MEMO1: variants seen among roughly 807,000 people sequenced by gnomAD.
MEMO1 encodes the protein protein MEMO1.
In MEMO1, 6 loss-of-function variants were observed where a neutral mutation model predicts 45.2. The observed-to-expected ratio is 0.13, with a 90% confidence interval of 0.07 to 0.26. The LOEUF is 0.26. MEMO1 is among the 10% of genes least tolerant of loss of function. MEMO1 has a pLI of 1.00. For missense variants in MEMO1, 184 were observed against 370.5 expected, an observed-to-expected ratio of 0.50 and a Z score of 4.13; for synonymous variants, 78 against 124.3, an observed-to-expected ratio of 0.63 and a Z score of 2.48.
In MEMO1 at chr2:31,926,083, G is replaced by T. The variant is rs77978658; in HGVS notation, c.213-5173C>A. 6.5e-3 allele frequency among the ~76,000 whole-genome samples: 995 copies of T among 152,282 alleles called. 3 individuals carry two copies. Among genetic ancestry groups the T allele is most frequent in the Non-Finnish European group, 0.011 (743 of 68,022 alleles). ...GCAGAAGATTTCCCCAAAGTGAATG[G>T]AAGTCAGGCACGGTGGTTCATGCCT... On this transcript the variant is annotated intron_variant, in intron 4 of 9. Coordinates refer to ENST00000404530, the MANE Select transcript of MEMO1 (RefSeq NM_001301833.4).
chr2:31,874,367 T>G (rs1674247616), intron 8 of MEMO1, among the ~76,000 whole-genome samples: 1 of 152,108 alleles, frequency 6.6e-6, no homozygotes, highest in African/African-American at 2.4e-5. Context: ...ATTACAAGAC[T>G]TTCAGAGTTT....
intron 2 of MEMO1, among the ~76,000 whole-genome samples, chr2:32,004,589 G>A (rs1673809858): frequency 6.6e-6 from 1 of 152,154 alleles, no homozygotes; most frequent in East Asian, 1.9e-4. Flanking sequence ...GTGTAAATTT[G>A]TAAAACCAAT....
intron 3 of MEMO1, among the ~76,000 whole-genome samples, chr2:31,942,472 C>T (rs35178826): frequency 0.22 from 34,168 of 152,008 alleles, 4,064 homozygotes; most frequent in Middle Eastern, 0.34. Flanking sequence ...AAATACATTT[C>T]GAAATTACTC....
intron 8 of MEMO1, among the ~76,000 whole-genome samples, chr2:31,875,721 C>G (rs1486485161): frequency 6.6e-6 from 1 of 152,024 alleles, no homozygotes; most frequent in Non-Finnish European, 1.5e-5. Context: ...AGTCTCAGCT[C>G]TGTCCCCAGA....
intron 2 of MEMO1, among the ~76,000 whole-genome samples, chr2:31,971,398 T>C (rs1384636186): frequency 2.6e-5 from 4 of 152,190 alleles, no homozygotes; most frequent in Middle Eastern, 3.4e-3. Context: ...CAGGCTTGCA[T>C]CACCATGCCC....
intron 6 of MEMO1, among the ~76,000 whole-genome samples, chr2:31,905,969 T>C (rs148772617): frequency 5.8e-4 from 89 of 152,256 alleles, no homozygotes; most frequent in African/African-American, 1.9e-3. Context: ...TATTCTTTTT[T>C]TCTTTATTTT....
At chr2:31,886,950 G>T (rs546654513) in intron 7 of MEMO1, among the ~76,000 whole-genome samples, 9 of 152,228 alleles carry the variant, frequency 5.9e-5, no homozygotes, top group African/African-American at 2.2e-4. Context: ...AGTTTCTTCA[G>T]GTGCCTTCCC....
chr2:31,885,868 T>C (rs1220406497), intron 7 of MEMO1, among the ~76,000 whole-genome samples: 1 of 152,226 alleles, frequency 6.6e-6, no homozygotes, highest in African/African-American at 2.4e-5. Context: ...TAATTCCAAG[T>C]AAAGAGTTGC....
At chr2:31,890,518 A>G (rs1017588383) in intron 7 of MEMO1, among the ~76,000 whole-genome samples, 2 of 152,178 alleles carry the variant, frequency 1.3e-5, no homozygotes, top group Non-Finnish European at 2.9e-5. Context: ...TAGTATACTT[A>G]TATCCATAAA....
At chr2:31,923,136 G>A (rs866464710) in intron 4 of MEMO1, among the ~76,000 whole-genome samples, 45 of 151,968 alleles carry the variant, frequency 3.0e-4, no homozygotes, top group African/African-American at 9.9e-4. Flanking sequence ...GCCAGCATCT[G>A]TTAATTTTTG....
At chr2:31,883,005 A>T (rs1456096091) in intron 8 of MEMO1, among the ~76,000 whole-genome samples, 5 of 152,168 alleles carry the variant, frequency 3.3e-5, no homozygotes, top group African/African-American at 9.6e-5. Flanking sequence ...CTCAAAAAAA[A>T]ATATTTCAGG....
chr2:31,921,273 A>G (rs962883200), intron 4 of MEMO1, among the ~76,000 whole-genome samples: 2 of 152,214 alleles, frequency 1.3e-5, no homozygotes. Flanking sequence ...GAAACTTGAT[A>G]TTGAATTTCA....
chr2:31,978,184 C>T (rs1163450288), intron 2 of MEMO1, among the ~76,000 whole-genome samples: 7 of 152,068 alleles, frequency 4.6e-5, no homozygotes, highest in Admixed American at 1.3e-4. Flanking sequence ...GTCAGGAGTT[C>T]GAGATCAGCC....
In MEMO1 at chr2:31,922,765, T is replaced by C. The variant is rs541196216; in HGVS notation, c.213-1855A>G. Among the ~76,000 whole-genome samples, 7 of 152,198 alleles carry C rather than the reference T, an allele frequency of 4.6e-5. No homozygotes were observed. The East Asian group carries it at 9.7e-4, about 21-fold the overall frequency. On this transcript the variant is annotated intron_variant, in intron 4 of 9. Coordinates refer to ENST00000404530, the MANE Select transcript of MEMO1 (RefSeq NM_001301833.4). ...TCCTACGGGAGTTTGCTTAGGATAA[T>C]GGCCTCTAGCTCAATGTTGCTGCAA...
chr2:31,987,001 C>T (rs1230047423), intron 2 of MEMO1, among the ~76,000 whole-genome samples: 1 of 151,886 alleles, frequency 6.6e-6, no homozygotes, highest in East Asian at 1.9e-4. Flanking sequence ...AAACAATGGC[C>T]GAAGTTTTCT....
At chr2:31,933,352 T>TAAAAAAAA (rs1558514359) in intron 3 of MEMO1, among the ~76,000 whole-genome samples, 13 of 12,218 alleles carry the variant, frequency 1.1e-3, no homozygotes, top group Non-Finnish European at 1.6e-3. Flanking sequence ...AAAAAAAATT[T>TAAAAAAAA]ATATATATAT....
intron 2 of MEMO1, among the ~76,000 whole-genome samples, chr2:31,996,535 C>A (rs1047200051): frequency 6.6e-6 from 1 of 151,714 alleles, no homozygotes; most frequent in African/African-American, 2.4e-5. Context: ...CAGAGTGACA[C>A]CCTATCTCAA....
At chr2:31,906,803 CTA>C (rs768683897) in intron 6 of MEMO1, among the ~76,000 whole-genome samples, 10 of 152,160 alleles carry the variant, frequency 6.6e-5, no homozygotes, top group Non-Finnish European at 1.5e-4. Context: ...TACTGTATCT[CTA>C]TAAGTCAGCT....
chr2:31,914,651 A>T (rs902206466), intron 6 of MEMO1, among the ~76,000 whole-genome samples: 8 of 151,886 alleles, frequency 5.3e-5, no homozygotes, highest in South Asian at 2.1e-4. Flanking sequence ...GTTTTCAATT[A>T]AAAAAAATGC....
Sources: allele counts gnomAD v4.1 joint callset (sites outside exome capture counted in the v4.1 genomes callset), GRCh38; gene constraint gnomAD v4.1.1; transcripts MANE v1.5; gene names NCBI Gene and HGNC (gene_info 2026-07-23, HGNC 2026-07-21).